ADARB2: variants seen among roughly 807,000 people sequenced by gnomAD.
ADARB2 encodes the protein inactive double-stranded RNA-specific editase B2.
A neutral mutation model predicts 62.2 loss-of-function variants in ADARB2; 25 were observed. The observed-to-expected ratio is 0.40, with a 90% CI of 0.29 to 0.56. The LOEUF (loss-of-function observed/expected upper bound fraction) is 0.56, where lower values mean the gene tolerates loss of function less well. Among genes scored for constraint, ADARB2 ranks in the 20% least tolerant of loss-of-function variants. The probability of loss-of-function intolerance (pLI) is 0.43; values close to 1 mark genes in which losing one functional copy is unlikely to be tolerated. For missense variants in ADARB2, 1,071 were observed against 1,077.4 expected, an observed-to-expected ratio of 0.99 and a Z score of 0.08; for synonymous variants, 572 against 500.8, an observed-to-expected ratio of 1.14 and a Z score of -1.90.
chr10:1,691,203 T>G (rs542293611), intron 1 of ADARB2, among the ~76,000 whole-genome samples: 2 of 152,068 alleles, frequency 1.3e-5, no homozygotes, highest in Non-Finnish European at 2.9e-5. Flanking sequence ...GGCACAGACA[T>G]GCACAGAGGG....
chr10:1,323,740 A>C (rs1340234357), intron 3 of ADARB2, among the ~76,000 whole-genome samples: 1 of 152,230 alleles, frequency 6.6e-6, no homozygotes, highest in Non-Finnish European at 1.5e-5. Context: ...TCCATGTCTT[A>C]TACAAAATCT....
intron 4 of ADARB2, among the ~76,000 whole-genome samples, chr10:1,244,634 C>T (rs537288981): frequency 6.6e-5 from 10 of 152,280 alleles, no homozygotes; most frequent in East Asian, 1.9e-4. Context: ...ACACAGGAGA[C>T]GCGAAGCCTG....
intron 1 of ADARB2, among the ~76,000 whole-genome samples, chr10:1,486,941 C>T (rs931610209): frequency 2.0e-5 from 3 of 152,360 alleles, no homozygotes; most frequent in South Asian, 2.1e-4. Flanking sequence ...AGAGAGAACA[C>T]GCGAATCTCT....
chr10:1,383,925 C>T (rs567562258), intron 1 of ADARB2, among the ~76,000 whole-genome samples: 1 of 152,132 alleles, frequency 6.6e-6, no homozygotes, highest in African/African-American at 2.4e-5. Context: ...TTCTTCCTTG[C>T]CTTTGCCTTT....
At chr10:1,305,055 G>A (rs1255064531) in intron 3 of ADARB2, among the ~76,000 whole-genome samples, 1 of 108,508 alleles carries the variant, frequency 9.2e-6, no homozygotes, top group African/African-American at 2.8e-5. Flanking sequence ...TAAAATCAGA[G>A]CAGAACTGAA....
intron 1 of ADARB2, among the ~76,000 whole-genome samples, chr10:1,385,773 C>T (rs974499252): frequency 3.9e-5 from 6 of 152,158 alleles, no homozygotes; most frequent in African/African-American, 4.8e-5. Context: ...CATCAAATCA[C>T]AGATCCAAGT....
intron 1 of ADARB2, among the ~76,000 whole-genome samples, chr10:1,616,676 C>T (rs1588325238): frequency 6.7e-6 from 1 of 148,406 alleles, no homozygotes; most frequent in African/African-American, 2.5e-5. Flanking sequence ...CCCTGCTGAG[C>T]TCTGCATCCT....
intron 1 of ADARB2, among the ~76,000 whole-genome samples, chr10:1,516,513 G>A (rs1564314566): frequency 2.6e-5 from 4 of 151,756 alleles, no homozygotes; most frequent in African/African-American, 9.7e-5. Context: ...CTCTGTGCGG[G>A]CTGCTCTGTG....
chr10:1,201,391 C>T (rs149419311), intron 7 of ADARB2, among the ~76,000 whole-genome samples: 72 of 152,348 alleles, frequency 4.7e-4, no homozygotes, highest in African/African-American at 1.7e-3. Flanking sequence ...GAAACATTTA[C>T]TTCAGTCTAT....
At chr10:1,401,458 T>TGGAG (rs1832661970) in intron 1 of ADARB2, among the ~76,000 whole-genome samples, 1 of 152,174 alleles carries the variant, frequency 6.6e-6, no homozygotes, top group Admixed American at 6.5e-5. Context: ...GGACTGACCA[T>TGGAG]GGAGGGCAGG....
At chr10:1,253,224 T>C (rs1460641152) in intron 4 of ADARB2, among the ~76,000 whole-genome samples, 1 of 152,264 alleles carries the variant, frequency 6.6e-6, no homozygotes, top group Non-Finnish European at 1.5e-5. Context: ...TTCTGTTCTC[T>C]TGTAATCATA....
At chr10:1,561,466 C>T (rs1204340197) in intron 1 of ADARB2, among the ~76,000 whole-genome samples, 1 of 152,186 alleles carries the variant, frequency 6.6e-6, no homozygotes, top group East Asian at 1.9e-4. Context: ...GATGGGCTCA[C>T]CACTGTTTCA....
At chr10:1,679,619 G>T (rs917125394) in intron 1 of ADARB2, among the ~76,000 whole-genome samples, 4 of 152,104 alleles carry the variant, frequency 2.6e-5, no homozygotes, top group Non-Finnish European at 4.4e-5. Flanking sequence ...CCTCATTATG[G>T]CCATGGTGGG....
intron 1 of ADARB2, among the ~76,000 whole-genome samples, chr10:1,727,783 C>T (rs1835185577): frequency 1.3e-5 from 2 of 152,090 alleles, no homozygotes; most frequent in African/African-American, 4.8e-5. Flanking sequence ...ACAATAGAAG[C>T]TCAGGAGGAA....
chr10:1,474,280 C>T (rs188332902), intron 1 of ADARB2, among the ~76,000 whole-genome samples: 8 of 152,322 alleles, frequency 5.3e-5, no homozygotes, highest in Admixed American at 3.3e-4. Flanking sequence ...GGGTAAAACT[C>T]GTTCCCGGCC....
At chr10:1,355,266 T>C (rs11250451) in intron 3 of ADARB2, among the ~76,000 whole-genome samples, 56,995 of 152,114 alleles carry the variant, frequency 0.37, 12,621 homozygotes, top group Middle Eastern at 0.51. Flanking sequence ...CAGTGTTCTG[T>C]GTCCTCCATC....
intron 1 of ADARB2, among the ~76,000 whole-genome samples, chr10:1,645,796 G>T (rs189939765): frequency 6.6e-6 from 1 of 152,076 alleles, no homozygotes; most frequent in Non-Finnish European, 1.5e-5. Context: ...TCACTTTAAC[G>T]CCTATACTCC....
At chr10:1,544,899 A>G (rs1425743957) in intron 1 of ADARB2, among the ~76,000 whole-genome samples, 3 of 150,528 alleles carry the variant, frequency 2.0e-5, no homozygotes, top group Non-Finnish European at 4.4e-5. Context: ...CATTATATAT[A>G]AAGTCTACAT....
At chr10:1,563,295 G>A (rs952990757) in intron 1 of ADARB2, among the ~76,000 whole-genome samples, 6 of 152,070 alleles carry the variant, frequency 3.9e-5, no homozygotes, top group African/African-American at 1.4e-4. Context: ...AGGTGCGGAC[G>A]TGTATCCCTG....
Sources: gnomAD v4.1 joint callset for allele counts (sites outside exome capture counted in the v4.1 genomes callset) on GRCh38, gnomAD v4.1.1 for gene constraint, MANE v1.5 for transcripts, NCBI Gene and HGNC (gene_info 2026-07-23, HGNC 2026-07-21) for gene names.